FEV: variants seen among roughly 807,000 people sequenced by gnomAD.
FEV encodes the protein protein FEV.
FEV carries 14 observed loss-of-function variants against 20.5 expected under a neutral mutation model. The observed-to-expected ratio is 0.68, with a 90% CI of 0.45 to 1.07. FEV has a LOEUF of 1.07. Among genes scored for constraint, FEV ranks in the 50% least tolerant of loss-of-function variants. The pLI, the probability that FEV is intolerant of heterozygous loss-of-function variation, is 0.00. For synonymous variants in FEV, 188 were observed against 163.7 expected (o/e 1.15, Z -1.13); for missense variants, 301 against 345.3 (o/e 0.87, Z 1.02).
In FEV at chr2:218,984,929, C is replaced by G; in HGVS notation, c.52+95G>C. On this transcript the variant is annotated intron_variant, in intron 1 of 2. Coordinates refer to ENST00000295727, the MANE Select transcript of FEV (RefSeq NM_017521.3). The surrounding 1 kb of genome is among the most constrained non-coding windows in gnomAD (Gnocchi z 5.0). ...GCAACCCGAATCTCCGGACACTTCT[C>G]CTTCCCCTGGACCCCAGCACTCTCT... 8.5e-7 allele frequency: 1 copy of G among 1,181,794 alleles called. No individual in the cohort carries two copies. The highest frequency in any genetic ancestry group is 1.2e-6 in the Non-Finnish European group (1 of 812,252). 73.2% of individuals were successfully genotyped at this position (1,181,794 alleles called of 1,614,324 possible). A position where few individuals can be genotyped will look rare whatever the true frequency, so the allele number is the denominator to read the frequency against.
At position 218,984,911 on chromosome 2, in the gene FEV, G is replaced by A. The variant is rs114014734; in HGVS notation, c.52+113C>T. 25,711 of 999,838 alleles carry A rather than the reference G, an allele frequency of 0.026. 477 individuals are homozygous for A. The highest frequency in any genetic ancestry group is 0.033 in the Non-Finnish European group (21,413 of 648,956). The allele number at this position is 999,838 out of a possible 1,614,324, so 61.9% of individuals were successfully genotyped here. A position where few individuals can be genotyped will look rare whatever the true frequency, so the allele number is the denominator to read the frequency against. On this transcript the variant is annotated intron_variant, in intron 1 of 2. Coordinates refer to ENST00000295727, the MANE Select transcript of FEV (RefSeq NM_017521.3). This position sits in a 1 kb window ranked among gnomAD's most constrained non-coding sequence, Gnocchi z 5.0. ...TTACAATCGGCCCTCCATGCAACCC[G>A]AATCTCCGGACACTTCTCCTTCCCC...
intron 2 of FEV, 60 bp from the exon 3 acceptor site, chr2:218,982,316 G>C (rs1016907524): frequency 1.4e-6 from 2 of 1,442,674 alleles, no homozygotes; most frequent in Non-Finnish European, 1.9e-6. Context: ...CTGGGGAAGA[G>C]TGCTGGCGGG....
rs1000192283 is a variant in FEV, at chr2:218,981,525, C to G, written c.*142G>C. The G allele has an allele frequency of 1.6e-6, 1 of 618,088 alleles. No homozygotes were observed. Among genetic ancestry groups the G allele is most frequent in the African/African-American group, 1.9e-5 (1 of 52,568 alleles). The allele number at this position is 618,088 out of a possible 1,614,324, so 38.3% of individuals were successfully genotyped here. ...AGGATTGAGGGAGCTTCGGTCCCGT[C>G]CCCCTGCTAAGTGCGGCAGGTGGAG... is the stretch of plus-strand genomic sequence containing the variant. On this transcript the variant is annotated 3_prime_UTR_variant, in exon 3 of 3. Coordinates refer to ENST00000295727, the MANE Select transcript of FEV (RefSeq NM_017521.3). The surrounding 1 kb of genome is among the most constrained non-coding windows in gnomAD (Gnocchi z 4.5).
chr2:218,983,390 C>T (rs1170897371), intron 2 of FEV, among the ~76,000 whole-genome samples: 2 of 152,144 alleles, frequency 1.3e-5, no homozygotes, highest in Non-Finnish European at 2.9e-5. Flanking sequence ...GCTTAGAATC[C>T]AGACGCTACC....
At position 218,984,212 on chromosome 2, in the gene FEV, A is replaced by C; in HGVS notation, c.127+19T>G. Reference sequence around the variant, plus strand: ...CCAACCAACCTCGCCTCCGCCGCCCAGCGCGCCGGCCATCTCACCTTTCTG... The same window carrying C: ...CCAACCAACCTCGCCTCCGCCGCCCCGCGCGCCGGCCATCTCACCTTTCTG... On this transcript the variant is annotated intron_variant, in intron 2 of 2. Coordinates refer to ENST00000295727, the MANE Select transcript of FEV (RefSeq NM_017521.3). The surrounding 1 kb of genome is among the most constrained non-coding windows in gnomAD (Gnocchi z 5.0). The C allele has an allele frequency of 6.3e-7, 1 of 1,576,154 alleles. No individual in the cohort carries two copies. The highest frequency in any genetic ancestry group is 8.6e-7 in the Non-Finnish European group (1 of 1,160,888).
At position 218,984,046 on chromosome 2, in the gene FEV, C is replaced by G. The variant is rs1945415381; in HGVS notation, c.127+185G>C. Among the ~76,000 whole-genome samples the G allele has an allele frequency of 6.6e-6, 1 of 152,214 alleles. No individual in the cohort carries two copies. The highest frequency in any genetic ancestry group is 1.5e-5 in the Non-Finnish European group (1 of 68,038). On this transcript the variant is annotated intron_variant, in intron 2 of 2. Coordinates refer to ENST00000295727, the MANE Select transcript of FEV (RefSeq NM_017521.3). This position sits in a 1 kb window ranked among gnomAD's most constrained non-coding sequence, Gnocchi z 5.0. ...ATCTGCCTTGGCCTGCAACTCTTTT[C>G]CTGGTGCTCAGGAGATGCAGGAGCC...
In FEV at chr2:218,981,887, C is replaced by G; in HGVS notation, c.497G>C (p.Gly166Ala). The G allele has an allele frequency of 8.1e-7, 1 of 1,240,876 alleles. No individual in the cohort carries two copies. The highest frequency in any genetic ancestry group is 1.0e-6 in the Non-Finnish European group (1 of 996,394). The allele number at this position is 1,240,876 out of a possible 1,614,324, so 76.9% of individuals were successfully genotyped here. Reference protein sequence around the residue: ...QDGALYKLPAGLAPLPFPGLS... With the variant: ...QDGALYKLPAALAPLPFPGLS... Reference sequence around the variant, plus strand: ...GCCGGGGAAGGGCAGCGGGGCGAGGCCGGCGGGCAGCTTGTAGAGCGCGCC... The same window carrying G: ...GCCGGGGAAGGGCAGCGGGGCGAGGGCGGCGGGCAGCTTGTAGAGCGCGCC... Residue 166 changes from glycine to alanine, a missense_variant, in exon 3 of 3, where the codon GGC (glycine) becomes GCC (alanine). Coordinates refer to ENST00000295727, the MANE Select transcript of FEV (RefSeq NM_017521.3). This position sits in a 1 kb window ranked among gnomAD's most constrained non-coding sequence, Gnocchi z 4.5.
chr2:218,981,925 CGCG>C lies in FEV; in HGVS notation c.456_458del (p.Ala155del). On this transcript the variant is annotated inframe_deletion, in exon 3 of 3. Coordinates refer to ENST00000295727, the MANE Select transcript of FEV (RefSeq NM_017521.3). The surrounding 1 kb of genome is among the most constrained non-coding windows in gnomAD (Gnocchi z 4.5). ...TGTAGAGCGCGCCGTCCTGGGCGGC[CGCG>C]GCGGCGGCAGCAGCTGCGGCGGCGG... 6 of 1,316,328 alleles carry C rather than the reference CGCG, an allele frequency of 4.6e-6. No homozygotes were observed. Among genetic ancestry groups the C allele is most frequent in the South Asian group, 2.4e-5 (1 of 40,970 alleles). The allele number at this position is 1,316,328 out of a possible 1,614,324, so 81.5% of individuals were successfully genotyped here.
chr2:218,985,089 T>TGG lies in FEV; in HGVS notation c.-16_-15dup. 6.7e-7 allele frequency: 1 copy of TGG among 1,492,820 alleles called. No individual in the cohort carries two copies. The highest frequency in any genetic ancestry group is 1.7e-4 in the Middle Eastern group (1 of 5,768). The allele number at this position is 1,492,820 out of a possible 1,614,324, so 92.5% of individuals were successfully genotyped here. On this transcript the variant is annotated 5_prime_UTR_variant, in exon 1 of 3. Coordinates refer to ENST00000295727, the MANE Select transcript of FEV (RefSeq NM_017521.3). ...GCTCTGTCTCATCGCCGCCGGGGAC[T>TGG]GGGCGGTGGGAGATGGGGGGGACGG...
chr2:218,984,481 C>T lies in FEV; in HGVS notation c.53-176G>A. ...TGGTCCAGGCGCGCTGCGCGGAGCC[C>T]CTCCATAGAGCCCAAGTCAGGAAAC... On this transcript the variant is annotated intron_variant, in intron 1 of 2. Transcript: ENST00000295727. This position sits in a 1 kb window ranked among gnomAD's most constrained non-coding sequence, Gnocchi z 5.0. The T allele has an allele frequency of 3.5e-6, 2 of 565,384 alleles. No homozygotes were observed. Among genetic ancestry groups the T allele is most frequent in the Non-Finnish European group, 6.2e-6 (2 of 320,016 alleles). 35.0% of individuals were successfully genotyped at this position (565,384 alleles called of 1,614,324 possible).
intron 2 of FEV, among the ~76,000 whole-genome samples, chr2:218,983,651 C>T (rs1485386809): frequency 2.0e-5 from 3 of 152,158 alleles, no homozygotes; most frequent in Non-Finnish European, 2.9e-5. Flanking sequence ...TCTAGGGTAA[C>T]GACTGAGATG....
chr2:218,985,103 T>C lies in FEV; in HGVS notation c.-28A>G, dbSNP rs1432838992. On this transcript the variant is annotated 5_prime_UTR_variant, in exon 1 of 3. Coordinates refer to ENST00000295727, the MANE Select transcript of FEV (RefSeq NM_017521.3). ...CCGCCGGGGACTGGGCGGTGGGAGA[T>C]GGGGGGGACGGGGAAGGGGGGCGAG... 3 of 1,344,080 alleles carry C rather than the reference T, an allele frequency of 2.2e-6. No individual in the cohort carries two copies. Among genetic ancestry groups the C allele is most frequent in the East Asian group, 5.6e-5 (2 of 35,932 alleles). The allele number at this position is 1,344,080 out of a possible 1,614,324, so 83.3% of individuals were successfully genotyped here. A position where few individuals can be genotyped will look rare whatever the true frequency, so the allele number is the denominator to read the frequency against.
chr2:218,981,794 C>G lies in FEV; in HGVS notation c.590G>C (p.Gly197Ala). Reference sequence around the variant, plus strand: ...GGCAGCGGTGGCGGCGGGGCCCGGGCCCGGCCAGTAGGAGAAGCCGGCGGG... The same window carrying G: ...GGCAGCGGTGGCGGCGGGGCCCGGGGCCGGCCAGTAGGAGAAGCCGGCGGG... ...VAPAGFSYWP[G>A]PGPAATAAAA... is the part of the protein sequence containing the mutation. Residue 197 changes from glycine (G) to alanine (A), a missense_variant, in exon 3 of 3, where the codon GGC becomes GCC. Transcript: ENST00000295727. This position sits in a 1 kb window ranked among gnomAD's most constrained non-coding sequence, Gnocchi z 4.5. 1.6e-6 allele frequency: 2 copies of G among 1,256,100 alleles called. No individual in the cohort carries two copies. The highest frequency in any genetic ancestry group is 6.4e-5 in the East Asian group (2 of 31,432). The allele number at this position is 1,256,100 out of a possible 1,614,324, so 77.8% of individuals were successfully genotyped here.
rs1483813915 is a variant in FEV at position 218,981,524 on chromosome 2, TC to T, written c.*142del. On this transcript the variant is annotated 3_prime_UTR_variant, in exon 3 of 3. Coordinates refer to ENST00000295727, the MANE Select transcript of FEV (RefSeq NM_017521.3). The surrounding 1 kb of genome is among the most constrained non-coding windows in gnomAD (Gnocchi z 4.5). ...AAGGATTGAGGGAGCTTCGGTCCCG[TC>T]CCCCTGCTAAGTGCGGCAGGTGGAG... 1.1e-5 allele frequency: 7 copies of T among 610,260 alleles called. No individual in the cohort carries two copies. Among genetic ancestry groups the T allele is most frequent in the Non-Finnish European group, 1.7e-5 (7 of 421,496 alleles). 37.8% of individuals were successfully genotyped at this position (610,260 alleles called of 1,614,324 possible).
In FEV at chr2:218,984,897, C is replaced by G; in HGVS notation, c.52+127G>C. ...CCCAGTGCCCTACATTACAATCGGCCCTCCATGCAACCCGAATCTCCGGAC... is the reference window on the plus strand; with the variant it reads ...CCCAGTGCCCTACATTACAATCGGCGCTCCATGCAACCCGAATCTCCGGAC... On this transcript the variant is annotated intron_variant, in intron 1 of 2. Coordinates refer to ENST00000295727, the MANE Select transcript of FEV (RefSeq NM_017521.3). The surrounding 1 kb of genome is among the most constrained non-coding windows in gnomAD (Gnocchi z 5.0). The G allele has an allele frequency of 1.2e-6, 1 of 856,500 alleles. No homozygotes were observed. Among genetic ancestry groups the G allele is most frequent in the Non-Finnish European group, 1.9e-6 (1 of 520,800 alleles). The allele number at this position is 856,500 out of a possible 1,614,324, so 53.1% of individuals were successfully genotyped here.
chr2:218,982,387 GC>G, intron 2 of FEV, 131 bp from the exon 3 acceptor site: 1 of 824,500 alleles, frequency 1.2e-6, no homozygotes, highest in Non-Finnish European at 1.9e-6. Context: ...TCAAACTGCA[GC>G]TGCGTTCGGC....
In FEV at chr2:218,981,587, C is replaced by A. The variant is rs1281729505; in HGVS notation, c.*80G>T. On this transcript the variant is annotated 3_prime_UTR_variant, in exon 3 of 3. Coordinates refer to ENST00000295727, the MANE Select transcript of FEV (RefSeq NM_017521.3). This position sits in a 1 kb window ranked among gnomAD's most constrained non-coding sequence, Gnocchi z 4.5. ...TTAGAGGACGGTTGACGGAGGCTCC[C>A]GGGCCCTCCCCGGGATGCCGATGGG... 5.3e-6 allele frequency: 6 copies of A among 1,139,134 alleles called. No homozygotes were observed. In the African/African-American group the frequency reaches 9.6e-5, roughly 18 times the overall value. 70.6% of individuals were successfully genotyped at this position (1,139,134 alleles called of 1,614,324 possible). A position where few individuals can be genotyped will look rare whatever the true frequency, so the allele number is the denominator to read the frequency against.
chr2:218,981,680 C>T lies in FEV; in HGVS notation c.704G>A (p.Gly235Asp). The T allele has an allele frequency of 6.0e-6, 8 of 1,339,142 alleles. No individual in the cohort carries two copies. Among genetic ancestry groups the T allele is most frequent in the Non-Finnish European group, 6.7e-6 (7 of 1,050,716 alleles). 83.0% of individuals were successfully genotyped at this position (1,339,142 alleles called of 1,614,324 possible). A position where few individuals can be genotyped will look rare whatever the true frequency, so the allele number is the denominator to read the frequency against. The change falls in exon 3 of 3, where the codon GGC (glycine) becomes GAC (aspartate). Residue 235 changes from glycine to aspartate, a missense_variant. Transcript: ENST00000295727. This position sits in a 1 kb window ranked among gnomAD's most constrained non-coding sequence, Gnocchi z 4.5. The stretch of plus-strand genomic sequence containing the variant: ...CGACCGCCCCGTCTAGTGGTAATGG[C>T]CCCCCAAGTGCGAGGCTGCGGCCAC... ...GAVAAASHLG[G>D]HYH
In FEV at chr2:218,984,283, G is replaced by A. The variant is rs753529334; in HGVS notation, c.75C>T (p.Phe25=). Residue 25 remains phenylalanine, a synonymous_variant, in exon 2 of 3, where the codon TTC becomes TTT. Coordinates refer to ENST00000295727, the MANE Select transcript of FEV (RefSeq NM_017521.3). This position sits in a 1 kb window ranked among gnomAD's most constrained non-coding sequence, Gnocchi z 5.0. ...YLPDPVGDGL[F]KDGKNPSWGP... is the part of the protein sequence containing the mutation. ...CCCAGCTCGGGTTCTTCCCGTCCTT[G>A]AAGAGACCGTCTCCGACGGGATCTG... 2 of 1,601,404 alleles carry A rather than the reference G, an allele frequency of 1.2e-6. No homozygotes were observed. Among genetic ancestry groups the A allele is most frequent in the South Asian group, 2.2e-5 (2 of 88,980 alleles).
Sources: gnomAD v4.1 joint callset for allele counts (sites outside exome capture counted in the v4.1 genomes callset) on GRCh38, gnomAD v4.1.1 for gene constraint, Gnocchi (gnomAD v3.1) non-coding constraint, MANE v1.5 for transcripts, NCBI Gene and HGNC (gene_info 2026-07-23, HGNC 2026-07-21) for gene names.